Variants in RTN4IP1 observed in about 807,000 individuals in gnomAD.
RTN4IP1 encodes the protein reticulon 4 interacting protein 1.
Under a neutral mutation model 46.6 loss-of-function variants are expected in RTN4IP1, and 32 were observed. That is an observed-to-expected ratio of 0.69 (90% confidence interval 0.52 to 0.92). The LOEUF is 0.92. Ranked by LOEUF, RTN4IP1 falls within the 40% of genes least tolerant of loss-of-function variation. The pLI is 0.00. For synonymous variants in RTN4IP1, 167 were observed against 161.8 expected (o/e 1.03, Z -0.24); for missense variants, 424 against 485.8 (o/e 0.87, Z 1.20).
intron 4 of RTN4IP1, among the ~76,000 whole-genome samples, chr6:106,609,194 T>C (rs1776161807): frequency 6.6e-6 from 1 of 152,220 alleles, no homozygotes; most frequent in South Asian, 2.1e-4. Context: ...AGAGACTTCA[T>C]ATTATGCCCT....
chr6:106,577,798 G>A lies in RTN4IP1; in HGVS notation c.1083+5530C>T, dbSNP rs183308616. Among the ~76,000 whole-genome samples, 607 of 152,208 alleles carry A rather than the reference G, an allele frequency of 4.0e-3. 5 individuals carry two copies. The highest frequency in any genetic ancestry group is 0.014 in the African/African-American group (585 of 41,502). ...AGGTCAAAGATTAACAGAAGCAGAG[G>A]TTGGAGTGATGTAGCCACAAGTCAA... On this transcript the variant is annotated intron_variant, in intron 8 of 8. Coordinates refer to ENST00000369063, the MANE Select transcript of RTN4IP1 (RefSeq NM_032730.5).
chr6:106,577,189 C>T (rs972818570), intron 8 of RTN4IP1, among the ~76,000 whole-genome samples: 3 of 152,084 alleles, frequency 2.0e-5, no homozygotes, highest in African/African-American at 7.2e-5. Flanking sequence ...AATCTTAGCA[C>T]TTTGGGAAGC....
At chr6:106,602,834 A>G (rs1224159512) in intron 5 of RTN4IP1, 40 bp downstream of exon 5, 1 of 1,423,194 alleles carries the variant, frequency 7.0e-7, no homozygotes, top group Non-Finnish European at 9.6e-7. Context: ...ATTCATGCAA[A>G]CAAAATCCTC....
intron 5 of RTN4IP1, among the ~76,000 whole-genome samples, chr6:106,595,052 T>G (rs139778405): frequency 0.019 from 2,933 of 152,322 alleles, 76 homozygotes; most frequent in African/African-American, 0.068. Flanking sequence ...TCCACCCGCC[T>G]TGGCCTCCCA....
chr6:106,587,746 A>G lies in RTN4IP1; in HGVS notation c.923T>C (p.Met308Thr). The G allele has an allele frequency of 6.2e-7, 1 of 1,614,000 alleles. No individual in the cohort carries two copies. Among genetic ancestry groups the G allele is most frequent in the Non-Finnish European group, 8.5e-7 (1 of 1,180,002 alleles). The change falls in exon 7 of 9, where the codon ATG becomes ACG. Residue 308 changes from methionine (M) to threonine (T), a missense_variant. Transcript: ENST00000369063. The stretch of plus-strand genomic sequence containing the variant: ...GCCATCTGCTATGCCCAATCGGTCC[A>G]TGTTCAGGAGGAAAGGAGTCACCAA... ...VTLVTPFLLN[M>T]DRLGIADGML...
intron 4 of RTN4IP1, among the ~76,000 whole-genome samples, chr6:106,608,207 AT>A (rs1368213935): frequency 6.6e-6 from 1 of 152,206 alleles, no homozygotes; most frequent in African/African-American, 2.4e-5. Context: ...CCTGGAGGAC[AT>A]TATGTTAAGT....
chr6:106,620,047 T>G (rs369863835), intron 3 of RTN4IP1, among the ~76,000 whole-genome samples: 1 of 152,130 alleles, frequency 6.6e-6, no homozygotes, highest in Admixed American at 6.5e-5. Flanking sequence ...GCTTCCTTTA[T>G]TCTAAGAATA....
rs113727398 is a variant in RTN4IP1, at chr6:106,580,106, T to C, written c.1083+3222A>G. On this transcript the variant is annotated intron_variant, in intron 8 of 8. Transcript: ENST00000369063. ...GCGGGCGCCTGTAGTCCCAGCTACT[T>C]GGAAGGCTGAGGCAGGAGAATGGTG... 4.7e-3 allele frequency among the ~76,000 whole-genome samples: 696 copies of C among 149,368 alleles called. 5 individuals are homozygous for C. Among genetic ancestry groups the C allele is most frequent in the African/African-American group, 0.016 (656 of 40,404 alleles).
intron 8 of RTN4IP1, 51 bp downstream of exon 8, chr6:106,583,277 G>T (rs766773344): frequency 7.1e-7 from 1 of 1,410,542 alleles, no homozygotes; most frequent in South Asian, 1.2e-5. Context: ...GTCTACAGGA[G>T]GTGCTGTAGA....
At chr6:106,619,169 G>T in intron 4 of RTN4IP1, 33 bp downstream of exon 4, 3 of 1,611,732 alleles carry the variant, frequency 1.9e-6, no homozygotes, top group Non-Finnish European at 2.5e-6. Context: ...AAAGAAAAGA[G>T]GTTTAGATGC....
intron 4 of RTN4IP1, among the ~76,000 whole-genome samples, chr6:106,603,388 T>C (rs1414835586): frequency 6.6e-6 from 1 of 152,234 alleles, no homozygotes; most frequent in Non-Finnish European, 1.5e-5. Flanking sequence ...TCATCAACTT[T>C]CATAAATGAA....
At position 106,628,775 on chromosome 6, in the gene RTN4IP1, C is replaced by T; in HGVS notation, c.247G>A (p.Val83Ile). The change falls in exon 1 of 9, where the codon GTA (valine) becomes ATA (isoleucine). Residue 83 changes from valine to isoleucine, a missense_variant. Transcript: ENST00000369063. ...EVIVKVHAAS[V>I]NPIDVNMRSG... ...CTCATATTAACGTCTATAGGATTTA[C>T]ACTGGCAGCGTGAACTTTGACAATG... is the stretch of plus-strand genomic sequence containing the variant. The T allele has an allele frequency of 6.2e-7, 1 of 1,613,916 alleles. No individual in the cohort carries two copies. The highest frequency in any genetic ancestry group is 8.5e-7 in the Non-Finnish European group (1 of 1,179,816).
At chr6:106,614,023 T>C (rs1232339198) in intron 4 of RTN4IP1, among the ~76,000 whole-genome samples, 1 of 152,176 alleles carries the variant, frequency 6.6e-6, no homozygotes, top group Non-Finnish European at 1.5e-5. Flanking sequence ...TGTATTGTCT[T>C]CCAAAAATAT....
chr6:106,572,131 G>C (rs1180063211), intron 8 of RTN4IP1, 28 bp from the exon 9 acceptor site: 1 of 1,540,752 alleles, frequency 6.5e-7, no homozygotes, highest in East Asian at 2.2e-5. Context: ...TTGACCGGTG[G>C]ATAAAAAAGC....
intron 5 of RTN4IP1, among the ~76,000 whole-genome samples, chr6:106,597,687 G>GT (rs1775831892): frequency 1.4e-5 from 2 of 144,840 alleles, no homozygotes; most frequent in African/African-American, 5.1e-5. Flanking sequence ...TCTGCATTTT[G>GT]TTTCTTTTTT....
intron 8 of RTN4IP1, among the ~76,000 whole-genome samples, chr6:106,579,838 T>A (rs1194976166): frequency 6.6e-6 from 1 of 151,786 alleles, no homozygotes; most frequent in East Asian, 2.0e-4. Flanking sequence ...GGTCTTGAAC[T>A]CCTGGGCCCA....
chr6:106,571,263 G>T lies in RTN4IP1; in HGVS notation c.*733C>A, dbSNP rs1412581620. 1 of 152,224 alleles carries T rather than the reference G, an allele frequency of 6.6e-6. No homozygotes were observed. The highest frequency in any genetic ancestry group is 2.4e-5 in the African/African-American group (1 of 41,454). The allele number at this position is 152,224 out of a possible 1,614,324, so 9.4% of individuals were successfully genotyped here. A position where few individuals can be genotyped will look rare whatever the true frequency, so the allele number is the denominator to read the frequency against. On this transcript the variant is annotated 3_prime_UTR_variant, in exon 9 of 9. Transcript: ENST00000369063. ...GAGATTTAGAACTTTAAGAGCTGTG[G>T]TGACCACATTATGGTGGAGGAACAA... is the stretch of plus-strand genomic sequence containing the variant.
intron 1 of RTN4IP1, among the ~76,000 whole-genome samples, chr6:106,623,567 T>A (rs894990733): frequency 6.6e-6 from 1 of 152,122 alleles, no homozygotes; most frequent in African/African-American, 2.4e-5. Flanking sequence ...AACCTTATAA[T>A]TTTTTGCCAT....
intron 6 of RTN4IP1, 109 bp downstream of exon 6, chr6:106,592,055 A>G: frequency 8.7e-7 from 1 of 1,153,424 alleles, no homozygotes; most frequent in Non-Finnish European, 1.2e-6. Flanking sequence ...GTTTTCATAG[A>G]TCCTTCTCAA....
Sources: allele counts gnomAD v4.1 joint callset (sites outside exome capture counted in the v4.1 genomes callset), GRCh38; gene constraint gnomAD v4.1.1; transcripts MANE v1.5; gene names NCBI Gene and HGNC (gene_info 2026-07-23, HGNC 2026-07-21).